CHMP2A: variants seen among roughly 807,000 people sequenced by gnomAD.
CHMP2A encodes the protein VPS2 homolog A.
CHMP2A carries 6 observed loss-of-function variants against 21.8 expected under a neutral mutation model. That is an observed-to-expected ratio of 0.28 (90% CI 0.15 to 0.54). CHMP2A has a LOEUF of 0.54. Ranked by LOEUF, CHMP2A falls within the 20% of genes least tolerant of loss-of-function variation. The pLI, the probability that CHMP2A is intolerant of heterozygous loss-of-function variation, is 0.95. For missense variants in CHMP2A, 303 were observed against 293.9 expected, an observed-to-expected ratio of 1.03 and a Z score of -0.23; for synonymous variants, 125 against 107.0, an observed-to-expected ratio of 1.17 and a Z score of -1.04.
chr19:58,553,916 G>A, intron 2 of CHMP2A, 129 bp downstream of exon 2: 1 of 1,220,806 alleles, frequency 8.2e-7, no homozygotes, highest in South Asian at 1.2e-5. Flanking sequence ...TCAAACTAGG[G>A]AAGCCCTGCT....
rs752267295 is a variant in CHMP2A at position 58,551,697 on chromosome 19, A to G, written c.621T>C (p.Asp207=). The change falls in exon 6 of 6, where the codon GAT becomes GAC. Residue 207 remains aspartate, a synonymous_variant. Coordinates refer to ENST00000312547, the MANE Select transcript of CHMP2A (RefSeq NM_014453.4). ...KAEAAASALA[D]ADADLEERLK... ...GCCGTTCCTCCAGGTCTGCATCAGCATCAGCTAGGGCTGAGGCTGCGGCCT... is the reference window on the plus strand; with the variant it reads ...GCCGTTCCTCCAGGTCTGCATCAGCGTCAGCTAGGGCTGAGGCTGCGGCCT... 7 of 1,614,116 alleles carry G rather than the reference A, an allele frequency of 4.3e-6. No homozygotes were observed. The South Asian group carries it at 6.6e-5, about 15-fold the overall frequency.
Position 58,552,204 on chromosome 19 carries a change from T to C in CHMP2A, c.349-19A>G. The stretch of plus-strand genomic sequence containing the variant: ...ACTTCAGCTGGAAGTGACAGGAGTG[T>C]GAGTGTGATCCCCATGGGTCGTGGG... On this transcript the variant is annotated intron_variant, in intron 3 of 5. Transcript: ENST00000312547. 1.2e-6 allele frequency: 2 copies of C among 1,614,098 alleles called. No homozygotes were observed. The highest frequency in any genetic ancestry group is 1.6e-4 in the Middle Eastern group (1 of 6,062).
At chr19:58,552,758 T>TG (rs1404250960) in intron 2 of CHMP2A, among the ~76,000 whole-genome samples, 6 of 152,202 alleles carry the variant, frequency 3.9e-5, no homozygotes, top group African/African-American at 1.4e-4. Flanking sequence ...TCTTTTGACT[T>TG]ACAACAGCCA....
At chr19:58,554,492 G>A (rs1026034869) in intron 1 of CHMP2A, 5 of 441,216 alleles carry the variant, frequency 1.1e-5, no homozygotes, top group African/African-American at 1.0e-4. Flanking sequence ...AGAAGTTATG[G>A]CTTGCAAGTT....
intron 4 of CHMP2A, 35 bp from the exon 5 acceptor site, chr19:58,552,002 A>T (rs749066503): frequency 1.4e-5 from 22 of 1,613,656 alleles, no homozygotes; most frequent in Non-Finnish European, 1.9e-5. Flanking sequence ...AGGGCTATGC[A>T]CTCCGTGAGG....
rs781042384 is a variant in CHMP2A at position 58,552,054 on chromosome 19, CCT to C, written c.478_479del (p.Ser160Ter). ...CACCCTCCCATCCAGTTTCCCCATA[CCT>C]CTCCTCTTCATCTTCCTCATCACCC... The part of the protein sequence containing the change: ...AMGDEEDEEE[S>X]DAVVSQVLDE... On this transcript the variant is annotated frameshift_variant and splice_region_variant, in exon 4 of 6. Transcript: ENST00000312547. LOFTEE classifies it high-confidence loss of function. The C allele has an allele frequency of 2.5e-6, 4 of 1,614,212 alleles. No homozygotes were observed. The highest frequency in any genetic ancestry group is 3.4e-6 in the Non-Finnish European group (4 of 1,180,034).
In CHMP2A at chr19:58,552,163, T is replaced by C. The variant is rs754914078; in HGVS notation, c.371A>G (p.Lys124Arg). ...CTGCCGCTCAAACTCCATCATGATCTTCTGGATCTGGGGCAACTTCAGCTG... is the reference window on the plus strand; with the variant it reads ...CTGCCGCTCAAACTCCATCATGATCCTCTGGATCTGGGGCAACTTCAGCTG... Reference protein sequence around the residue: ...NRQLKLPQIQKIMMEFERQAE... With the variant: ...NRQLKLPQIQRIMMEFERQAE... Residue 124 changes from lysine (K) to arginine (R), a missense_variant, in exon 4 of 6, where the codon AAG becomes AGG. Physicochemically the swap from Lys to Arg is conservative, Grantham distance 26. Transcript: ENST00000312547. 6.2e-7 allele frequency: 1 copy of C among 1,614,226 alleles called. No individual in the cohort carries two copies. The highest frequency in any genetic ancestry group is 8.5e-7 in the Non-Finnish European group (1 of 1,180,038).
Position 58,551,962 on chromosome 19 carries a change from G to C in CHMP2A, c.485C>G (p.Ala162Gly). 3.1e-6 allele frequency: 5 copies of C among 1,614,178 alleles called. No individual in the cohort carries two copies. Among genetic ancestry groups the C allele is most frequent in the Non-Finnish European group, 4.2e-6 (5 of 1,180,036 alleles). Residue 162 changes from alanine (A) to glycine (G), a missense_variant, in exon 5 of 6, where the codon GCT becomes GGT. Transcript: ENST00000312547. Reference sequence around the variant, plus strand: ...CTCATCCAGAACCTGGGACACCACAGCATCACTAGGGAAGAGAGAGAACTC... The same window carrying C: ...CTCATCCAGAACCTGGGACACCACACCATCACTAGGGAAGAGAGAGAACTC... ...GDEEDEEESD[A>G]VVSQVLDELG...
chr19:58,554,621 A>G, intron 1 of CHMP2A: 1 of 194,824 alleles, frequency 5.1e-6, no homozygotes, highest in Non-Finnish European at 1.1e-5. Context: ...AGGACAGAGC[A>G]ATTGTGGGGG....
chr19:58,554,266 T>C, intron 1 of CHMP2A, 30 bp from the exon 2 acceptor site: 1 of 1,573,154 alleles, frequency 6.4e-7, no homozygotes, highest in Non-Finnish European at 8.6e-7. Flanking sequence ...GGCCCAGTTG[T>C]AGGGCATGGG....
At chr19:58,554,372 G>T in intron 1 of CHMP2A, 136 bp from the exon 2 acceptor site, 2 of 705,048 alleles carry the variant, frequency 2.8e-6, no homozygotes, top group Non-Finnish European at 2.3e-6. Context: ...AGCCAAAAGG[G>T]AGCAGCTGAG....
chr19:58,553,510 T>G (rs2053857040), intron 2 of CHMP2A, among the ~76,000 whole-genome samples: 1 of 151,614 alleles, frequency 6.6e-6, no homozygotes, highest in African/African-American at 2.4e-5. Flanking sequence ...TAGCTGGGAT[T>G]ACAGGCGTGC....
chr19:58,554,363 G>A, intron 1 of CHMP2A, 127 bp from the exon 2 acceptor site: 1 of 783,908 alleles, frequency 1.3e-6, no homozygotes, highest in South Asian at 1.8e-5. Context: ...GGAATGAGGA[G>A]CCAAAAGGGA....
intron 2 of CHMP2A, among the ~76,000 whole-genome samples, chr19:58,553,379 T>C (rs913668133): frequency 9.5e-5 from 14 of 147,624 alleles, no homozygotes; most frequent in Non-Finnish European, 1.8e-4. Context: ...TGGTTTTTTT[T>C]TTTTTTTTTG....
In CHMP2A at chr19:58,554,121, C is replaced by T. The variant is rs1436829673; in HGVS notation, c.92G>A (p.Arg31His). 3.1e-6 allele frequency: 5 copies of T among 1,614,022 alleles called. No individual in the cohort carries two copies. The East Asian group carries it at 6.7e-5, about 22-fold the overall frequency. ...CTGGGTCTCTAGTTTCTGTCGCTCG[C>T]GGTCCAGCTCCCGCATGGCACGGTT... ...ALNRAMRELD[R>H]ERQKLETQEK... The change falls in exon 2 of 6, where the codon CGC (arginine) becomes CAC (histidine). Residue 31 changes from arginine to histidine, a missense_variant. Arg to His is a conservative substitution (Grantham distance 29). Coordinates refer to ENST00000312547, the MANE Select transcript of CHMP2A (RefSeq NM_014453.4).
chr19:58,551,844 A>G (rs1387043594), intron 5 of CHMP2A, 62 bp downstream of exon 5: 3 of 1,613,968 alleles, frequency 1.9e-6, no homozygotes, highest in Non-Finnish European at 2.5e-6. Context: ...AGGGAAAGGG[A>G]GGGCTTGGAG....
intron 5 of CHMP2A, 52 bp downstream of exon 5, chr19:58,551,854 G>A: frequency 6.2e-7 from 1 of 1,614,124 alleles, no homozygotes; most frequent in Non-Finnish European, 8.5e-7. Context: ...AGGGCTTGGA[G>A]CTGTGGCTGG....
Position 58,551,956 on chromosome 19 carries a change from A to G in CHMP2A, c.491T>C (p.Val164Ala). ...TCCCAGCTCATCCAGAACCTGGGACACCACAGCATCACTAGGGAAGAGAGA... is the reference window on the plus strand; with the variant it reads ...TCCCAGCTCATCCAGAACCTGGGACGCCACAGCATCACTAGGGAAGAGAGA... ...EEDEEESDAV[V>A]SQVLDELGLS... The change falls in exon 5 of 6, where the codon GTG (valine) becomes GCG (alanine). Residue 164 changes from valine to alanine, a missense_variant. Physicochemically the swap from Val to Ala is moderately conservative, Grantham distance 64. Coordinates refer to ENST00000312547, the MANE Select transcript of CHMP2A (RefSeq NM_014453.4). 6.2e-7 allele frequency: 1 copy of G among 1,614,188 alleles called. No individual in the cohort carries two copies.
In CHMP2A at chr19:58,551,888, A is replaced by C. The variant is rs368162327; in HGVS notation, c.541+18T>G. ...GGGCCTTGGGTGGGAAATGGGGTCC[A>C]GGATTTGGAGCACTCACTCGACAGC... is the stretch of plus-strand genomic sequence containing the variant. On this transcript the variant is annotated intron_variant, in intron 5 of 5. Transcript: ENST00000312547. 5 of 1,614,094 alleles carry C rather than the reference A, an allele frequency of 3.1e-6. No individual in the cohort carries two copies. The highest frequency in any genetic ancestry group is 4.2e-6 in the Non-Finnish European group (5 of 1,180,014).
Sources: gnomAD v4.1 joint callset for allele counts (sites outside exome capture counted in the v4.1 genomes callset) on GRCh38, gnomAD v4.1.1 for gene constraint, MANE v1.5 for transcripts, NCBI Gene and HGNC (gene_info 2026-07-23, HGNC 2026-07-21) for gene names.